Variants in PCSK6 observed in about 807,000 individuals in gnomAD.
The protein encoded by PCSK6 is paired basic amino acid cleaving enzyme 4.
Under a neutral mutation model 123.3 loss-of-function variants are expected in PCSK6, and 85 were observed. The observed-to-expected ratio is 0.69, with a 90% CI of 0.58 to 0.83. The LOEUF is 0.83. PCSK6 is among the 40% of genes least tolerant of loss of function. The probability of loss-of-function intolerance (pLI) is 0.00; values close to 1 mark genes in which losing one functional copy is unlikely to be tolerated. For missense variants in PCSK6, 1,191 were observed against 1,282.3 expected (o/e 0.93, Z 1.09); for synonymous variants, 508 against 516.0 (o/e 0.98, Z 0.21).
At position 101,305,254 on chromosome 15, in the gene PCSK6, AC is replaced by A. The variant is rs2039695445; in HGVS notation, c.*3del. On this transcript the variant is annotated 3_prime_UTR_variant, in exon 22 of 22. Coordinates refer to ENST00000611716, the MANE Select transcript of PCSK6 (RefSeq NM_002570.5). The surrounding 1 kb of genome is among the most constrained non-coding windows in gnomAD (Gnocchi z 4.8). ...GCCTGCCCTCTGTGGGCAGCTAGGC[AC>A]CCTTACCCGGCCAGGAGGCACGTGC... 2.5e-6 allele frequency: 4 copies of A among 1,608,278 alleles called. No individual in the cohort carries two copies. In the South Asian group the frequency reaches 3.3e-5, roughly 13 times the overall value.
intron 1 of PCSK6, among the ~76,000 whole-genome samples, chr15:101,453,197 A>T (rs1304406477): frequency 6.6e-6 from 1 of 152,148 alleles, no homozygotes; most frequent in Non-Finnish European, 1.5e-5. Flanking sequence ...GGGATCCAGG[A>T]ATTATTTTGT....
intron 1 of PCSK6, 99 bp from the exon 2 acceptor site, chr15:101,443,759 A>C (rs1392255300): frequency 8.4e-6 from 7 of 829,494 alleles, no homozygotes; most frequent in Non-Finnish European, 1.5e-5. Flanking sequence ...TGAGGGGCTC[A>C]TTCTCCCAGA....
intron 9 of PCSK6, among the ~76,000 whole-genome samples, chr15:101,389,121 C>G (rs2042153193): frequency 6.6e-6 from 1 of 152,198 alleles, no homozygotes; most frequent in Non-Finnish European, 1.5e-5. Context: ...TTTCTGCAAG[C>G]CAAGAAGACA....
intron 6 of PCSK6, among the ~76,000 whole-genome samples, chr15:101,422,919 C>T (rs1027822548): frequency 6.6e-6 from 1 of 152,138 alleles, no homozygotes; most frequent in Non-Finnish European, 1.5e-5. Flanking sequence ...CCGCGCCTGG[C>T]CAAGAAAGAA....
At chr15:101,310,581 C>T (rs1245573970) in intron 20 of PCSK6, among the ~76,000 whole-genome samples, 1 of 152,264 alleles carries the variant, frequency 6.6e-6, no homozygotes, top group African/African-American at 2.4e-5. Context: ...GTGCAGGACT[C>T]AGCAAGGCTG....
intron 6 of PCSK6, among the ~76,000 whole-genome samples, chr15:101,405,540 G>C (rs963306225): frequency 4.6e-5 from 7 of 152,136 alleles, no homozygotes; most frequent in Non-Finnish European, 8.8e-5. Context: ...GCCCACAGAA[G>C]CTCCATCCAG....
At chr15:101,409,474 A>G (rs2042877857) in intron 6 of PCSK6, among the ~76,000 whole-genome samples, 1 of 151,616 alleles carries the variant, frequency 6.6e-6, no homozygotes, top group Non-Finnish European at 1.5e-5. Context: ...AGTCCCAGCT[A>G]CTCGGGAGGC....
chr15:101,309,970 C>T lies in PCSK6; in HGVS notation c.2700-2645G>A, dbSNP rs1229674942. Among the ~76,000 whole-genome samples the T allele has an allele frequency of 2.6e-5, 4 of 152,234 alleles. No individual in the cohort carries two copies. In the South Asian group the frequency reaches 6.2e-4, roughly 24 times the overall value. ...TGCAGTTGCCAACCCAGCAGGCCTG[C>T]GTCCTGACCTGCATGTTCCAACGCA... On this transcript the variant is annotated intron_variant, in intron 20 of 21. Transcript: ENST00000611716.
chr15:101,417,218 T>TCTCTTGCCACC (rs1176189075), intron 6 of PCSK6, among the ~76,000 whole-genome samples: 1 of 152,212 alleles, frequency 6.6e-6, no homozygotes, highest in East Asian at 1.9e-4. Flanking sequence ...TGTTAAGAAG[T>TCTCTTGCCACC]GCCTTTCACC....
chr15:101,474,810 T>C (rs2057690573), intron 1 of PCSK6, among the ~76,000 whole-genome samples: 1 of 152,198 alleles, frequency 6.6e-6, no homozygotes, highest in Non-Finnish European at 1.5e-5. Flanking sequence ...CCTCCATCCC[T>C]GCAGCAGCTC....
In PCSK6 at chr15:101,307,226, G is replaced by A; in HGVS notation, c.2799C>T (p.His933=). 1 of 1,612,860 alleles carries A rather than the reference G, an allele frequency of 6.2e-7. No homozygotes were observed. Among genetic ancestry groups the A allele is most frequent in the Non-Finnish European group, 8.5e-7 (1 of 1,179,030 alleles). The part of the protein sequence containing the change: ...TQLGTSCITN[H]TCSNADETFC... ...GCTGCTGCTCACCGTTGCTGCACGT[G>A]TGGTTGGTGATGCAGGAGGTCCCCA... is the stretch of plus-strand genomic sequence containing the variant. Residue 933 remains histidine (H), a synonymous_variant, in exon 21 of 22, where the codon CAC becomes CAT. Transcript: ENST00000611716.
rs1175833824 is a variant in PCSK6, at chr15:101,326,386, T to C, written c.2171A>G (p.Lys724Arg). 1.9e-6 allele frequency: 3 copies of C among 1,571,962 alleles called. No homozygotes were observed. Among genetic ancestry groups the C allele is most frequent in the Non-Finnish European group, 2.6e-6 (3 of 1,158,186 alleles). ...NCVHFSLGSV[K>R]TSRKCVSVCP... ...GCGGGACATGCATTACCTGCTGGTCTTGACACTCCCCAGGCTGAAGTGGAC... is the reference window on the plus strand; with the variant it reads ...GCGGGACATGCATTACCTGCTGGTCCTGACACTCCCCAGGCTGAAGTGGAC... The change falls in exon 16 of 22, where the codon AAG becomes AGG. Residue 724 changes from lysine to arginine, a missense_variant. Physicochemically the swap from Lys to Arg is conservative, Grantham distance 26 (BLOSUM62 2). Transcript: ENST00000611716.
At chr15:101,428,959 G>A (rs936567428) in intron 5 of PCSK6, among the ~76,000 whole-genome samples, 2 of 152,212 alleles carry the variant, frequency 1.3e-5, no homozygotes, top group African/African-American at 4.8e-5. Context: ...AGGGCACCTT[G>A]GGACGTGCAT....
At chr15:101,336,119 C>A (rs1425811253) in intron 13 of PCSK6, among the ~76,000 whole-genome samples, 1 of 152,196 alleles carries the variant, frequency 6.6e-6, no homozygotes, top group Middle Eastern at 3.2e-3. Flanking sequence ...ACATAGGGAG[C>A]AACTACTTGA....
intron 1 of PCSK6, among the ~76,000 whole-genome samples, chr15:101,474,368 T>G (rs903845923): frequency 6.6e-6 from 1 of 152,228 alleles, no homozygotes; most frequent in Non-Finnish European, 1.5e-5. Context: ...AGGCCTCTGC[T>G]GTGACCCTCG....
intron 19 of PCSK6, among the ~76,000 whole-genome samples, chr15:101,314,960 C>G (rs2039954557): frequency 6.6e-6 from 1 of 152,166 alleles, no homozygotes; most frequent in African/African-American, 2.4e-5. Context: ...GTCTCATACA[C>G]CAGGCGGGGT....
At chr15:101,489,327 G>C in intron 1 of PCSK6, 47 bp downstream of exon 1, 1 of 1,097,154 alleles carries the variant, frequency 9.1e-7, no homozygotes. Context: ...CGCGCGCGCC[G>C]GAGGCCGCCG....
chr15:101,407,469 T>C (rs111236140), intron 6 of PCSK6, among the ~76,000 whole-genome samples: 1 of 151,730 alleles, frequency 6.6e-6, no homozygotes, highest in East Asian at 1.9e-4. Flanking sequence ...CCATCAGGAG[T>C]GTGCTTTTCA....
At chr15:101,347,519 A>T (rs753078111) in intron 13 of PCSK6, 27 of 1,348,332 alleles carry the variant, frequency 2.0e-5, no homozygotes, top group Non-Finnish European at 2.5e-5. Context: ...GGTTAAAATT[A>T]TGTAAGCTCT....
Sources: allele counts gnomAD v4.1 joint callset (sites outside exome capture counted in the v4.1 genomes callset), GRCh38; gene constraint gnomAD v4.1.1; non-coding constraint Gnocchi (gnomAD v3.1); transcripts MANE v1.5; gene names NCBI Gene and HGNC (gene_info 2026-07-23, HGNC 2026-07-21).